The following DPYD variants were observed in gnomAD, a reference collection of about 807,000 sequenced individuals.
DPYD encodes dihydropyrimidine dehydrogenase [NADP(+)].
A neutral mutation model predicts 116.2 loss-of-function variants in DPYD; 109 were observed. That is an observed-to-expected ratio of 0.94 (90% CI 0.80 to 1.10). The LOEUF is 1.10. Ranked by LOEUF, DPYD falls within the 50% of genes least tolerant of loss-of-function variation. The pLI is 0.00. For synonymous variants in DPYD, 440 were observed against 432.0 expected, an observed-to-expected ratio of 1.02 and a Z score of -0.23; for missense variants, 1,302 against 1,254.5, an observed-to-expected ratio of 1.04 and a Z score of -0.57.
At chr1:97,375,251 C>T (rs1376481872) in intron 15 of DPYD, among the ~76,000 whole-genome samples, 1 of 152,114 alleles carries the variant, frequency 6.6e-6, no homozygotes, top group Non-Finnish European at 1.5e-5. Context: ...TCTAAGTACA[C>T]CAGACCTTTC....
At chr1:97,913,031 C>T (rs905095204) in intron 1 of DPYD, among the ~76,000 whole-genome samples, 6 of 152,010 alleles carry the variant, frequency 3.9e-5, no homozygotes, top group African/African-American at 7.2e-5. Context: ...TCTCCTTTTT[C>T]GAATCTCTGG....
intron 1 of DPYD, among the ~76,000 whole-genome samples, chr1:97,912,763 C>T (rs72981734): frequency 6.6e-6 from 1 of 151,996 alleles, no homozygotes; most frequent in Admixed American, 6.5e-5. Flanking sequence ...ACACACGTTA[C>T]CCCTAGAGAT....
At chr1:97,157,274 A>C (rs559404173) in intron 20 of DPYD, among the ~76,000 whole-genome samples, 206 of 151,952 alleles carry the variant, frequency 1.4e-3, no homozygotes, top group African/African-American at 4.3e-3. Context: ...AATAATAATA[A>C]AATAAAATTA....
intron 18 of DPYD, among the ~76,000 whole-genome samples, chr1:97,285,208 T>C (rs1390196690): frequency 1.3e-5 from 2 of 152,218 alleles, no homozygotes; most frequent in Non-Finnish European, 2.9e-5. Flanking sequence ...AAGTCTCTGA[T>C]TCTACTTGAA....
intron 16 of DPYD, among the ~76,000 whole-genome samples, chr1:97,345,036 T>A (rs1029504190): frequency 8.6e-5 from 13 of 151,928 alleles, no homozygotes; most frequent in Non-Finnish European, 1.9e-4. Flanking sequence ...ATAATATCTG[T>A]GTTGGTTTAA....
chr1:97,276,837 G>C (rs1230069372), intron 18 of DPYD, among the ~76,000 whole-genome samples: 1 of 152,090 alleles, frequency 6.6e-6, no homozygotes, highest in African/African-American at 2.4e-5. Context: ...AGCATTTAAT[G>C]CAGCAATCTC....
At chr1:97,584,741 T>C (rs902271686) in intron 10 of DPYD, among the ~76,000 whole-genome samples, 29 of 135,776 alleles carry the variant, frequency 2.1e-4, no homozygotes, top group African/African-American at 8.1e-4. Flanking sequence ...TAGGTGGGAA[T>C]TGAACAATGA....
At chr1:97,530,162 T>A (rs1326245280) in intron 12 of DPYD, among the ~76,000 whole-genome samples, 1 of 151,862 alleles carries the variant, frequency 6.6e-6, no homozygotes, top group Admixed American at 6.6e-5. Context: ...CTTTCTTTTT[T>A]AAGTCTGACT....
At chr1:97,358,526 C>G (rs991064677) in intron 16 of DPYD, among the ~76,000 whole-genome samples, 4 of 152,172 alleles carry the variant, frequency 2.6e-5, no homozygotes, top group African/African-American at 9.7e-5. Flanking sequence ...GCCCGTGTAG[C>G]CTAACTGGGA....
intron 8 of DPYD, among the ~76,000 whole-genome samples, chr1:97,618,162 T>G (rs548811194): frequency 1.3e-5 from 2 of 152,294 alleles, no homozygotes; most frequent in South Asian, 4.1e-4. Flanking sequence ...ACATTAAAGC[T>G]TTGCCTTAGT....
chr1:97,748,801 G>A (rs1048683612), intron 3 of DPYD, among the ~76,000 whole-genome samples: 1 of 152,088 alleles, frequency 6.6e-6, no homozygotes, highest in African/African-American at 2.4e-5. Flanking sequence ...TACTGTATAT[G>A]GAATCCTTTC....
At chr1:97,496,834 T>A (rs1679292079) in intron 13 of DPYD, among the ~76,000 whole-genome samples, 1 of 151,924 alleles carries the variant, frequency 6.6e-6, no homozygotes, top group Admixed American at 6.6e-5. Context: ...AGAACCAGGA[T>A]TGTATCTTAT....
chr1:97,357,174 A>G (rs567109438), intron 16 of DPYD, among the ~76,000 whole-genome samples: 17 of 152,310 alleles, frequency 1.1e-4, no homozygotes, highest in African/African-American at 3.8e-4. Context: ...TTGTTTTTGT[A>G]TCTTTTTCAA....
At chr1:97,555,496 G>A (rs1651628201) in intron 11 of DPYD, among the ~76,000 whole-genome samples, 1 of 151,924 alleles carries the variant, frequency 6.6e-6, no homozygotes, top group Non-Finnish European at 1.5e-5. Context: ...CCCACCTCAT[G>A]ATTTATTATT....
At chr1:97,246,359 A>G (rs1662719678) in intron 18 of DPYD, among the ~76,000 whole-genome samples, 1 of 152,084 alleles carries the variant, frequency 6.6e-6, no homozygotes, top group Non-Finnish European at 1.5e-5. Context: ...CACATGCCCA[A>G]TTTTGTGGGT....
Position 97,740,395 on chromosome 1 carries a change from G to T in DPYD, c.318C>A (p.Asn106Lys), listed in dbSNP as rs1264310175. ...DIKSFITSIA[N>K]KNYYGAAKMI... ...GCAGAGTTAAATCTGAATTTACCTT[G>T]TTTGCAATACTTGTGATGAATGATT... Residue 106 changes from asparagine to lysine, a missense_variant, in exon 4 of 23, where the codon AAC becomes AAA. Coordinates refer to ENST00000370192, the MANE Select transcript of DPYD (RefSeq NM_000110.4). 1.9e-6 allele frequency: 3 copies of T among 1,610,400 alleles called. No individual in the cohort carries two copies.
chr1:97,237,497 A>C lies in DPYD; in HGVS notation c.2300-2503T>G, dbSNP rs72726649. Among the ~76,000 whole-genome samples the C allele has an allele frequency of 9.1e-3, 1,390 of 152,246 alleles. 14 individuals carry two copies. Among genetic ancestry groups the C allele is most frequent in the Middle Eastern group, 0.037 (11 of 294 alleles). Reference sequence around the variant, plus strand: ...ATAGACATTTTGGATACAAAGTATTAAGTTGGGCAAATTAGAAACCGGACA... The same window carrying C: ...ATAGACATTTTGGATACAAAGTATTCAGTTGGGCAAATTAGAAACCGGACA... On this transcript the variant is annotated intron_variant, in intron 18 of 22. Transcript: ENST00000370192.
intron 14 of DPYD, among the ~76,000 whole-genome samples, chr1:97,436,146 C>T (rs1235603798): frequency 6.6e-6 from 1 of 151,798 alleles, no homozygotes; most frequent in African/African-American, 2.4e-5. Context: ...TCCTTCTTTC[C>T]CCAGCCCTTT....
At chr1:97,269,126 A>C (rs1053069644) in intron 18 of DPYD, among the ~76,000 whole-genome samples, 1 of 152,198 alleles carries the variant, frequency 6.6e-6, no homozygotes, top group African/African-American at 2.4e-5. Context: ...GAAATCCTAG[A>C]ACATAGACAC....
Sources: allele counts gnomAD v4.1 joint callset (sites outside exome capture counted in the v4.1 genomes callset), GRCh38; gene constraint gnomAD v4.1.1; transcripts MANE v1.5; gene names NCBI Gene and HGNC (gene_info 2026-07-23, HGNC 2026-07-21).